Variants in NEK6 observed in about 807,000 individuals in gnomAD.
NEK6 encodes serine/threonine-protein kinase Nek6.
A neutral mutation model predicts 43.5 loss-of-function variants in NEK6; 27 were observed. The ratio of observed to expected loss-of-function variants is 0.62; its 90% CI spans 0.46 to 0.86. NEK6 has a LOEUF of 0.86. NEK6 is among the 40% of genes least tolerant of loss of function. The pLI is 0.00. For missense variants in NEK6, 318 were observed against 414.4 expected, an observed-to-expected ratio of 0.77 and a Z score of 2.02; for synonymous variants, 167 against 164.1, an observed-to-expected ratio of 1.02 and a Z score of -0.14.
At chr9:124,344,490 G>C (rs1829814172) in intron 8 of NEK6, among the ~76,000 whole-genome samples, 1 of 152,232 alleles carries the variant, frequency 6.6e-6, no homozygotes, top group African/African-American at 2.4e-5. Flanking sequence ...GAAGAGGCTG[G>C]AATCAGGAGT....
At chr9:124,339,496 C>T (rs1038781301) in intron 7 of NEK6, 75 bp from the exon 8 acceptor site, 2 of 1,035,126 alleles carry the variant, frequency 1.9e-6, no homozygotes, top group African/African-American at 3.1e-5. Flanking sequence ...GTGTGCCCTC[C>T]CTCCAACCTC....
intron 5 of NEK6, among the ~76,000 whole-genome samples, chr9:124,323,879 C>T (rs562765111): frequency 6.6e-6 from 1 of 152,298 alleles, no homozygotes; most frequent in Admixed American, 6.5e-5. Context: ...TTCACCAGAG[C>T]CAACACTGGC....
intron 1 of NEK6, among the ~76,000 whole-genome samples, chr9:124,287,921 G>A (rs968167043): frequency 6.6e-6 from 1 of 152,334 alleles, no homozygotes; most frequent in East Asian, 1.9e-4. Context: ...TAAATATATA[G>A]GGTCTCTCAC....
At chr9:124,261,706 G>A (rs780441691) in intron 1 of NEK6, 4 of 559,812 alleles carry the variant, frequency 7.1e-6, no homozygotes, top group Non-Finnish European at 9.1e-6. Flanking sequence ...GGACCTGTGT[G>A]GTTTGGGCCA....
intron 1 of NEK6, among the ~76,000 whole-genome samples, chr9:124,271,264 G>A (rs1383724134): frequency 3.3e-5 from 5 of 152,236 alleles, no homozygotes; most frequent in South Asian, 4.1e-4. Flanking sequence ...ATCGAGTGGC[G>A]CGGTTGCCAA....
intron 1 of NEK6, among the ~76,000 whole-genome samples, chr9:124,281,532 ACT>A (rs1831912574): frequency 8.7e-6 from 1 of 114,658 alleles, no homozygotes; most frequent in East Asian, 2.5e-4. Context: ...GCAGAATCTC[ACT>A]CTGTCGCCCA....
chr9:124,328,295 G>A (rs1828776494), intron 7 of NEK6, among the ~76,000 whole-genome samples: 1 of 152,174 alleles, frequency 6.6e-6, no homozygotes, highest in African/African-American at 2.4e-5. Flanking sequence ...GAACACAGGA[G>A]CAGGGTCTCC....
At chr9:124,341,670 C>CCTCCCTGT (rs1441723526) in intron 8 of NEK6, among the ~76,000 whole-genome samples, 1 of 152,158 alleles carries the variant, frequency 6.6e-6, no homozygotes, top group African/African-American at 2.4e-5. Flanking sequence ...GTCCTCCCTG[C>CCTCCCTGT]CTCCCTGTCT....
chr9:124,306,824 T>C (rs1554850423), intron 2 of NEK6, among the ~76,000 whole-genome samples: 1 of 152,224 alleles, frequency 6.6e-6, no homozygotes, highest in Non-Finnish European at 1.5e-5. Context: ...AATATATCGC[T>C]ATATACACAT....
intron 8 of NEK6, among the ~76,000 whole-genome samples, chr9:124,340,095 G>A (rs1365093005): frequency 7.7e-6 from 1 of 129,814 alleles, no homozygotes. Flanking sequence ...CCACTGACAG[G>A]TGGCCACCCC....
In NEK6 at chr9:124,343,001, G is replaced by C. The variant is rs898647904; in HGVS notation, c.717+3336G>C. Among the ~76,000 whole-genome samples, 1 of 152,142 alleles carries C rather than the reference G, an allele frequency of 6.6e-6. No homozygotes were observed. Among genetic ancestry groups the C allele is most frequent in the Non-Finnish European group, 1.5e-5 (1 of 68,018 alleles). The stretch of plus-strand genomic sequence containing the variant: ...CGTTCCCTGCCTCAGTCTTTGTCTC[G>C]GCTCTGCAGAGGCAGGCACAGCCCA... On this transcript the variant is annotated intron_variant, in intron 8 of 9. Transcript: ENST00000320246. This position sits in a 1 kb window ranked among gnomAD's most constrained non-coding sequence, Gnocchi z 5.1.
chr9:124,310,712 C>T (rs1833486943), intron 2 of NEK6, among the ~76,000 whole-genome samples: 1 of 152,206 alleles, frequency 6.6e-6, no homozygotes, highest in Non-Finnish European at 1.5e-5. Context: ...ATTCTCCTGC[C>T]TCGGCCTCCC....
At chr9:124,292,010 G>A (rs1044731117) in intron 1 of NEK6, 2 of 989,784 alleles carry the variant, frequency 2.0e-6, no homozygotes, top group Non-Finnish European at 2.4e-6. Flanking sequence ...GCTCCCTGGA[G>A]GCCCAGGCAC....
chr9:124,312,393 G>A, intron 2 of NEK6, 116 bp from the exon 3 acceptor site: 4 of 1,234,498 alleles, frequency 3.2e-6, no homozygotes, highest in Non-Finnish European at 4.4e-6. Flanking sequence ...AGGGTTGGCA[G>A]CAGAGTCCCT....
Position 124,324,055 on chromosome 9 carries a change from G to A in NEK6, c.406-2275G>A. On this transcript the variant is annotated intron_variant, in intron 5 of 9. Coordinates refer to ENST00000320246, the MANE Select transcript of NEK6 (RefSeq NM_014397.6). The surrounding 1 kb of genome is among the most constrained non-coding windows in gnomAD (Gnocchi z 5.3). ...CTCTCTCCCCCCACTGTCCCTGCCT[G>A]CTCCCGTTCCCTCCAACCCGGCTCA... Among the ~76,000 whole-genome samples the A allele has an allele frequency of 6.6e-6, 1 of 151,900 alleles. No individual in the cohort carries two copies. The highest frequency in any genetic ancestry group is 1.9e-4 in the East Asian group (1 of 5,164).
At chr9:124,329,388 T>G (rs1828847362) in intron 7 of NEK6, among the ~76,000 whole-genome samples, 1 of 152,142 alleles carries the variant, frequency 6.6e-6, no homozygotes, top group Non-Finnish European at 1.5e-5. Flanking sequence ...TCAGAGAGGG[T>G]TAGGATCGCA....
At chr9:124,280,519 T>C (rs1831855456) in intron 1 of NEK6, among the ~76,000 whole-genome samples, 1 of 152,210 alleles carries the variant, frequency 6.6e-6, no homozygotes, top group Admixed American at 6.5e-5. Flanking sequence ...CTCACGCTCA[T>C]GCGAATGTTT....
At position 124,324,185 on chromosome 9, in the gene NEK6, G is replaced by A. The variant is rs872769; in HGVS notation, c.406-2145G>A. On this transcript the variant is annotated intron_variant, in intron 5 of 9. Coordinates refer to ENST00000320246, the MANE Select transcript of NEK6 (RefSeq NM_014397.6). This position sits in a 1 kb window ranked among gnomAD's most constrained non-coding sequence, Gnocchi z 5.3. ...ACACGTCCCCTGGATGGCCTCAGGC[G>A]GGTCCCTGTGCCTCAGTTGCCTCAT... 0.097 allele frequency among the ~76,000 whole-genome samples: 14,731 copies of A among 152,244 alleles called. 1,195 individuals are homozygous for A. Among genetic ancestry groups the A allele is most frequent in the East Asian group, 0.45 (2,348 of 5,162 alleles).
chr9:124,285,704 G>T (rs1204681221), intron 1 of NEK6, among the ~76,000 whole-genome samples: 1 of 152,156 alleles, frequency 6.6e-6, no homozygotes, highest in African/African-American at 2.4e-5. Flanking sequence ...GAAAGGACAC[G>T]AGATAGCAGC....
Sources: allele counts gnomAD v4.1 joint callset (sites outside exome capture counted in the v4.1 genomes callset), GRCh38; gene constraint gnomAD v4.1.1; non-coding constraint Gnocchi (gnomAD v3.1); transcripts MANE v1.5; gene names NCBI Gene and HGNC (gene_info 2026-07-23, HGNC 2026-07-21).